The following AP1G1 variants were observed in gnomAD, a reference collection of about 807,000 sequenced individuals.
The protein encoded by AP1G1 is adaptor related protein complex 1 subunit gamma 1.
A neutral mutation model predicts 108.3 loss-of-function variants in AP1G1; 7 were observed. The ratio of observed to expected loss-of-function variants is 0.06; its 90% CI spans 0.04 to 0.12. The LOEUF (loss-of-function observed/expected upper bound fraction) is 0.12, where lower values mean the gene tolerates loss of function less well. AP1G1 is among the 10% of genes least tolerant of loss of function. The pLI is 1.00. For missense variants in AP1G1, 756 were observed against 1,010.7 expected, an observed-to-expected ratio of 0.75 and a Z score of 3.42; for synonymous variants, 379 against 353.5, an observed-to-expected ratio of 1.07 and a Z score of -0.81.
intron 12 of AP1G1, among the ~76,000 whole-genome samples, chr16:71,755,721 C>G (rs376234031): frequency 6.6e-6 from 1 of 151,990 alleles, no homozygotes; most frequent in Admixed American, 6.6e-5. Context: ...CCTTGGCTCA[C>G]TGCAACCTCC....
chr16:71,731,473 T>A lies in AP1G1; in HGVS notation c.*1585A>T, dbSNP rs1304676327. On this transcript the variant is annotated 3_prime_UTR_variant, in exon 23 of 23. Transcript: ENST00000299980. ...AGGTTTAAGATTGAAGCCATAGTAG[T>A]CATTATACTGTATTCAATACAGTAA... The A allele has an allele frequency of 6.6e-6, 1 of 152,670 alleles. No homozygotes were observed. Among genetic ancestry groups the A allele is most frequent in the East Asian group, 1.9e-4 (1 of 5,198 alleles). The allele number at this position is 152,670 out of a possible 1,614,324, so 9.5% of individuals were successfully genotyped here.
chr16:71,764,558 CAA>C, intron 8 of AP1G1, 86 bp downstream of exon 8: 1 of 1,272,718 alleles, frequency 7.9e-7, no homozygotes, highest in Middle Eastern at 1.9e-4. Flanking sequence ...TGAGGAAACA[CAA>C]ATAAAAACTG....
At chr16:71,747,534 T>C (rs2069797140) in intron 16 of AP1G1, 1 of 151,928 alleles carries the variant, frequency 6.6e-6, no homozygotes, top group African/African-American at 2.4e-5. Context: ...GAGCCGAGAT[T>C]GTATGCCACT....
chr16:71,735,567 C>T (rs1014308924), intron 21 of AP1G1, among the ~76,000 whole-genome samples: 3 of 151,244 alleles, frequency 2.0e-5, no homozygotes, highest in African/African-American at 7.3e-5. Context: ...GAGGCTGAGG[C>T]AGGAGAATCG....
chr16:71,794,866 C>CTTTTTTTTTTTTTTTTTTTTTTTT (rs2032528877), intron 1 of AP1G1, among the ~76,000 whole-genome samples: 45 of 46,638 alleles, frequency 9.6e-4, no homozygotes, highest in Middle Eastern at 0.014. Context: ...TTTTTTTTTA[C>CTTTTTTTTTTTTTTTTTTTTTTTT]TTTGAAATGC....
At chr16:71,750,691 C>T (rs1365967351) in intron 13 of AP1G1, among the ~76,000 whole-genome samples, 1 of 151,834 alleles carries the variant, frequency 6.6e-6, no homozygotes, top group African/African-American at 2.4e-5. Flanking sequence ...GCTGGGATTA[C>T]AGGCGTGTGC....
Position 71,808,678 on chromosome 16 carries a change from C to A in AP1G1, c.-4+85G>T, listed in dbSNP as rs902689702. 2.2e-5 allele frequency: 28 copies of A among 1,287,984 alleles called. No individual in the cohort carries two copies. In the Admixed American group the frequency reaches 6.5e-4, roughly 30 times the overall value. 79.8% of individuals were successfully genotyped at this position (1,287,984 alleles called of 1,614,324 possible). A position where few individuals can be genotyped will look rare whatever the true frequency, so the allele number is the denominator to read the frequency against. On this transcript the variant is annotated intron_variant, in intron 1 of 22. Coordinates refer to ENST00000299980, the MANE Select transcript of AP1G1 (RefSeq NM_001128.6). ...ACAGCCTGGGACTGGACCCCTGAAACTGAAAGGAAGCTTCCGGTCGAGCGC... is the reference window on the plus strand; with the variant it reads ...ACAGCCTGGGACTGGACCCCTGAAAATGAAAGGAAGCTTCCGGTCGAGCGC...
chr16:71,742,174 C>G (rs545259371), intron 19 of AP1G1: 1 of 151,944 alleles, frequency 6.6e-6, no homozygotes, highest in African/African-American at 2.4e-5. Flanking sequence ...GAAAACAAGA[C>G]AGTAGGAACA....
Position 71,801,031 on chromosome 16 carries a change from G to A in AP1G1, c.-4+7732C>T, listed in dbSNP as rs528496047. On this transcript the variant is annotated intron_variant, in intron 1 of 22. Coordinates refer to ENST00000299980, the MANE Select transcript of AP1G1 (RefSeq NM_001128.6). ...AACAAAAATGAATTATATTGGCTGG[G>A]CGCGGTGGCTCATGCCTGTAATCCC... is the stretch of plus-strand genomic sequence containing the variant. Among the ~76,000 whole-genome samples the A allele has an allele frequency of 1.4e-3, 215 of 152,220 alleles. 2 individuals carry two copies. Among genetic ancestry groups the A allele is most frequent in the African/African-American group, 4.9e-3 (203 of 41,544 alleles).
At chr16:71,737,830 C>T (rs989606238) in intron 21 of AP1G1, among the ~76,000 whole-genome samples, 14 of 152,258 alleles carry the variant, frequency 9.2e-5, no homozygotes, top group Non-Finnish European at 1.5e-5. Context: ...AAACTATGGC[C>T]CACTGGCCAA....
Position 71,764,678 on chromosome 16 carries a change from A to T in AP1G1, c.787T>A (p.Ser263Thr). 1 of 1,611,536 alleles carries T rather than the reference A, an allele frequency of 6.2e-7. No homozygotes were observed. ...LRILGRNDDDSSEAMNDILAQ... is the reference protein window; with the variant it reads ...LRILGRNDDDTSEAMNDILAQ... The stretch of plus-strand genomic sequence containing the variant: ...AATATATCATTCATAGCTTCACTTG[A>T]ATCATCATCATTTCGTCCTAAAATT... Residue 263 changes from serine (S) to threonine (T), a missense_variant, in exon 8 of 23, where the codon TCA (serine) becomes ACA (threonine). Physicochemically the swap from Ser to Thr is moderately conservative, Grantham distance 58. This residue lies in a region of AP1G1 where 304 missense variants were observed against 483.6 expected (regional missense o/e 0.63). Coordinates refer to ENST00000299980, the MANE Select transcript of AP1G1 (RefSeq NM_001128.6).
intron 13 of AP1G1, among the ~76,000 whole-genome samples, chr16:71,752,478 G>C (rs1401074272): frequency 1.3e-5 from 2 of 152,034 alleles, no homozygotes; most frequent in East Asian, 3.9e-4. Flanking sequence ...ATACATATAA[G>C]TCATAATTTC....
chr16:71,763,038 T>C (rs972719394), intron 9 of AP1G1, among the ~76,000 whole-genome samples: 6 of 152,176 alleles, frequency 3.9e-5, no homozygotes, highest in Admixed American at 6.5e-5. Context: ...AGAAAACTGC[T>C]TGATGTATAG....
intron 19 of AP1G1, among the ~76,000 whole-genome samples, chr16:71,740,779 A>G (rs1223201480): frequency 6.6e-6 from 1 of 152,248 alleles, no homozygotes; most frequent in Non-Finnish European, 1.5e-5. Context: ...CTACTTTAGG[A>G]TAGACAGTAG....
chr16:71,759,234 G>A (rs978013038), intron 10 of AP1G1, among the ~76,000 whole-genome samples: 2 of 152,120 alleles, frequency 1.3e-5, no homozygotes, highest in African/African-American at 2.4e-5. Context: ...CGAGGCAGGT[G>A]GATACCTGAG....
chr16:71,762,175 G>C (rs1032850715), intron 9 of AP1G1, among the ~76,000 whole-genome samples: 1 of 151,968 alleles, frequency 6.6e-6, no homozygotes, highest in African/African-American at 2.4e-5. Context: ...GGAATGTCAC[G>C]CAGCCATTAA....
At chr16:71,804,780 A>T (rs1035527402) in intron 1 of AP1G1, among the ~76,000 whole-genome samples, 3 of 151,942 alleles carry the variant, frequency 2.0e-5, no homozygotes, top group African/African-American at 7.3e-5. Context: ...ACTTTGGGAG[A>T]CAGAGGTGGG....
intron 16 of AP1G1, 61 bp from the exon 17 acceptor site, chr16:71,746,753 A>G (rs984040450): frequency 8.8e-6 from 11 of 1,252,374 alleles, no homozygotes; most frequent in African/African-American, 1.5e-5. Context: ...ATAAGCAGAG[A>G]TAATGTTTAA....
chr16:71,732,985 G>A lies in AP1G1; in HGVS notation c.*73C>T. ...CCCGTGGTACAGTTGGGGGGGACTT[G>A]CCAGCAATCACAACCTCCTTCCCAG... On this transcript the variant is annotated 3_prime_UTR_variant, in exon 23 of 23. Coordinates refer to ENST00000299980, the MANE Select transcript of AP1G1 (RefSeq NM_001128.6). 2 of 1,247,264 alleles carry A rather than the reference G, an allele frequency of 1.6e-6. No homozygotes were observed. The highest frequency in any genetic ancestry group is 2.6e-5 in the South Asian group (2 of 76,612). 77.3% of individuals were successfully genotyped at this position (1,247,264 alleles called of 1,614,324 possible).
Sources: gnomAD v4.1 joint callset for allele counts (sites outside exome capture counted in the v4.1 genomes callset) on GRCh38, gnomAD v4.1.1 for gene constraint, gnomAD v4.1.1 regional missense constraint, MANE v1.5 for transcripts, NCBI Gene and HGNC (gene_info 2026-07-23, HGNC 2026-07-21) for gene names.